COL4A4: variants seen among roughly 807,000 people sequenced by gnomAD.
COL4A4 encodes collagen alpha-4(IV) chain.
In COL4A4, 105 loss-of-function variants were observed where a neutral mutation model predicts 192.9. That is an observed-to-expected ratio of 0.54 (90% CI 0.46 to 0.64). The LOEUF is 0.64. Among genes scored for constraint, COL4A4 ranks in the 30% least tolerant of loss-of-function variants. COL4A4 has a pLI of 0.00. For synonymous variants in COL4A4, 762 were observed against 769.9 expected (o/e 0.99, Z 0.17); for missense variants, 1,967 against 2,169.3 (o/e 0.91, Z 1.85).
chr2:227,090,184 A>G (rs1047351440), intron 20 of COL4A4, among the ~76,000 whole-genome samples: 8 of 152,202 alleles, frequency 5.3e-5, no homozygotes, highest in African/African-American at 1.7e-4. Flanking sequence ...AACCATTGAT[A>G]AAGCCAACCC....
Position 227,007,530 on chromosome 2 carries a change from A to G in COL4A4, c.4868T>C (p.Leu1623Pro), listed in dbSNP as rs776835720. The change falls in exon 48 of 48, where the codon CTG becomes CCG. Residue 1623 changes from leucine to proline, a missense_variant. Physicochemically the swap from Leu to Pro is moderately conservative, Grantham distance 98. Coordinates refer to ENST00000396625, the MANE Select transcript of COL4A4 (RefSeq NM_000092.5). ...GQALMSPGSC[L>P]EDFRAAPFLE... is the part of the protein sequence containing the mutation. ...GAATGGTGCTGCTCTGAAATCTTCC[A>G]GGCAGCTGCCAGGTGACATAAGGGC... The G allele has an allele frequency of 1.2e-6, 2 of 1,613,582 alleles. No individual in the cohort carries two copies. The highest frequency in any genetic ancestry group is 1.7e-5 in the Admixed American group (1 of 60,020).
At chr2:226,999,039 C>T (rs1026029536), downstream of COL4A4, 4 of 152,276 alleles carry the variant, frequency 2.6e-5, no homozygotes, top group African/African-American at 9.6e-5. Flanking sequence ...ACAGTTTCCA[C>T]ATACCACTTG....
chr2:227,160,092 G>A (rs2064699528), intron 1 of COL4A4, among the ~76,000 whole-genome samples: 1 of 152,098 alleles, frequency 6.6e-6, no homozygotes, highest in African/African-American at 2.4e-5. Context: ...TAAATACGAA[G>A]GTGTGAGGTG....
chr2:227,014,211 G>A (rs1395277395), intron 44 of COL4A4, among the ~76,000 whole-genome samples: 1 of 152,084 alleles, frequency 6.6e-6, no homozygotes, highest in Non-Finnish European at 1.5e-5. Context: ...GCAATGACAC[G>A]GTCCTACTGC....
At chr2:227,102,720 C>T (rs996082731) in intron 15 of COL4A4, 69 bp downstream of exon 15, 27 of 1,374,288 alleles carry the variant, frequency 2.0e-5, no homozygotes, top group Middle Eastern at 1.8e-4. Flanking sequence ...GACTACTGAC[C>T]TGGTTTTATA....
At chr2:227,089,326 G>A (rs867552290) in intron 21 of COL4A4, among the ~76,000 whole-genome samples, 29 of 151,888 alleles carry the variant, frequency 1.9e-4, no homozygotes, top group Middle Eastern at 6.8e-3. Flanking sequence ...AGGACTTTTT[G>A]TCTTAAACAA....
At position 227,098,722 on chromosome 2, in the gene COL4A4, G is replaced by C. The variant is rs759536932; in HGVS notation, c.1176C>G (p.Leu392=). The C allele has an allele frequency of 1.2e-6, 2 of 1,614,114 alleles. No individual in the cohort carries two copies. Among genetic ancestry groups the C allele is most frequent in the Non-Finnish European group, 1.7e-6 (2 of 1,179,998 alleles). ...CACAGGCTTCCCCTGGTCTGCCCAA[G>C]AGACCTGGGGGACCAGGTGGTCCAA... ...GDVGPPGPPG[L]LGRPGEACAG... Residue 392 remains leucine (L), a synonymous_variant, in exon 19 of 48, where the codon CTC becomes CTG. Transcript: ENST00000396625.
At chr2:226,999,496 C>G (rs1960413164), downstream of COL4A4, among the ~76,000 whole-genome samples, 1 of 152,116 alleles carries the variant, frequency 6.6e-6, no homozygotes, top group Admixed American at 6.5e-5. Flanking sequence ...TTGCCATGTG[C>G]TTTTTACAGG....
rs529631878 is a variant in COL4A4, at chr2:227,060,715, G to C, written c.2057-472C>G. 5.0e-5 allele frequency among the ~76,000 whole-genome samples: 7 copies of C among 141,186 alleles called. No homozygotes were observed. The South Asian group carries it at 1.6e-3, about 33-fold the overall frequency. 92.6% of individuals were successfully genotyped at this position (141,186 alleles called of 152,430 possible). On this transcript the variant is annotated intron_variant, in intron 26 of 47. Transcript: ENST00000396625. ...TATAGGCAAAAAGCACTTGCAAAAA[G>C]TAATAGAGAATTTTTTTTTTTTTTT...
chr2:227,021,533 TAGAA>T (rs1301139714), intron 44 of COL4A4, among the ~76,000 whole-genome samples: 1 of 151,984 alleles, frequency 6.6e-6, no homozygotes, highest in Non-Finnish European at 1.5e-5. Context: ...CACATAAAAA[TAGAA>T]AGGATGGGCC....
At position 227,050,135 on chromosome 2, in the gene COL4A4, A is replaced by C; in HGVS notation, c.3151-4T>G. ...GACCTGGAGAACCTGGCTCACCCTGACAGTTTAATGAAACAAAAGGCCTTA... is the reference window on the plus strand; with the variant it reads ...GACCTGGAGAACCTGGCTCACCCTGCCAGTTTAATGAAACAAAAGGCCTTA... On this transcript the variant is annotated splice_polypyrimidine_tract_variant and splice_region_variant and intron_variant, in intron 33 of 47. Transcript: ENST00000396625. 6.2e-7 allele frequency: 1 copy of C among 1,613,756 alleles called. No individual in the cohort carries two copies. The highest frequency in any genetic ancestry group is 8.5e-7 in the Non-Finnish European group (1 of 1,179,630).
At chr2:226,989,841 C>T in the COL4A4 span, among the ~76,000 whole-genome samples, 1 of 152,296 alleles carries the variant, frequency 6.6e-6, no homozygotes, top group Middle Eastern at 3.4e-3. Flanking sequence ...GAGTTGATCT[C>T]TATTTCACAA....
chr2:227,104,146 T>A, intron 12 of COL4A4, 94 bp from the exon 13 acceptor site: 1 of 976,360 alleles, frequency 1.0e-6, no homozygotes. Flanking sequence ...TCCAATCCTA[T>A]GTGTCATGGA....
rs1020817184 is a variant in COL4A4, at chr2:227,006,049, A to C, written c.*1276T>G. ...GTACAAGACTGATATGAAATATAAG[A>C]ATGTCTTTAAAATTGGCAAAATGGG... On this transcript the variant is annotated 3_prime_UTR_variant, in exon 48 of 48. Transcript: ENST00000396625. 1 of 152,624 alleles carries C rather than the reference A, an allele frequency of 6.6e-6. No homozygotes were observed. Among genetic ancestry groups the C allele is most frequent in the African/African-American group, 2.4e-5 (1 of 41,446 alleles). 9.5% of individuals were successfully genotyped at this position (152,624 alleles called of 1,614,324 possible). A position where few individuals can be genotyped will look rare whatever the true frequency, so the allele number is the denominator to read the frequency against.
intron 42 of COL4A4, among the ~76,000 whole-genome samples, chr2:227,026,280 G>C (rs887328976): frequency 6.6e-6 from 1 of 151,982 alleles, no homozygotes; most frequent in Admixed American, 6.6e-5. Flanking sequence ...GGTGGATCAC[G>C]AGGTCAGGAG....
At position 227,118,688 on chromosome 2, in the gene COL4A4, C is replaced by G. The variant is rs374815903; in HGVS notation, c.446G>C (p.Gly149Ala). 1 of 1,613,976 alleles carries G rather than the reference C, an allele frequency of 6.2e-7. No homozygotes were observed. Among genetic ancestry groups the G allele is most frequent in the African/African-American group, 1.3e-5 (1 of 74,936 alleles). The change falls in exon 7 of 48, where the codon GGG becomes GCG. Residue 149 changes from glycine (G) to alanine (A), a missense_variant. Physicochemically the swap from Gly to Ala is moderately conservative, Grantham distance 60. Coordinates refer to ENST00000396625, the MANE Select transcript of COL4A4 (RefSeq NM_000092.5). ...SGHNGSRGDP[G>A]FPGGRGALGP... is the part of the protein sequence containing the mutation. Reference sequence around the variant, plus strand: ...AAGAGCTCCTCTTCCTCCTGGAAACCCTGGGTCACCTCTTGAGCCATTGTG... The same window carrying G: ...AAGAGCTCCTCTTCCTCCTGGAAACGCTGGGTCACCTCTTGAGCCATTGTG...
chr2:227,131,159 C>CT (rs2062437629), intron 4 of COL4A4, among the ~76,000 whole-genome samples: 1 of 128,624 alleles, frequency 7.8e-6, no homozygotes, highest in Non-Finnish European at 1.7e-5. Flanking sequence ...TTTTTTCTTT[C>CT]TTTCTTTTTT....
chr2:226,987,745 A>G, the COL4A4 span, among the ~76,000 whole-genome samples: 9 of 152,290 alleles, frequency 5.9e-5, no homozygotes, highest in Non-Finnish European at 1.0e-4. Context: ...AAGTGAATTC[A>G]TTTGCCACAG....
chr2:227,092,657 C>T (rs1179533245), intron 20 of COL4A4, among the ~76,000 whole-genome samples: 1 of 152,104 alleles, frequency 6.6e-6, no homozygotes, highest in Non-Finnish European at 1.5e-5. Context: ...GGAAACAAGA[C>T]AATTGACAAG....
Sources: gnomAD v4.1 joint callset for allele counts (sites outside exome capture counted in the v4.1 genomes callset) on GRCh38, gnomAD v4.1.1 for gene constraint, MANE v1.5 for transcripts, NCBI Gene and HGNC (gene_info 2026-07-23, HGNC 2026-07-21) for gene names.